TMEM163: variants seen among roughly 807,000 people sequenced by gnomAD.
The protein encoded by TMEM163 is transmembrane protein 163.
Under a neutral mutation model 29.3 loss-of-function variants are expected in TMEM163, and 17 were observed. The ratio of observed to expected loss-of-function variants is 0.58; its 90% confidence interval spans 0.40 to 0.87. The LOEUF (loss-of-function observed/expected upper bound fraction) is 0.87, where lower values mean the gene tolerates loss of function less well. TMEM163 is among the 40% of genes least tolerant of loss of function. The probability of loss-of-function intolerance (pLI) is 0.00; values close to 1 mark genes in which losing one functional copy is unlikely to be tolerated. For synonymous variants in TMEM163, 157 were observed against 160.6 expected, an observed-to-expected ratio of 0.98 and a Z score of 0.17; for missense variants, 303 against 381.5, an observed-to-expected ratio of 0.79 and a Z score of 1.71.
At chr2:134,681,332 C>T (rs929797667) in intron 2 of TMEM163, among the ~76,000 whole-genome samples, 1 of 152,172 alleles carries the variant, frequency 6.6e-6, no homozygotes, top group African/African-American at 2.4e-5. Flanking sequence ...GCTGGCTATG[C>T]ATTACCTGCC....
chr2:134,459,241 G>A (rs1406946076), intron 6 of TMEM163: 1 of 152,266 alleles, frequency 6.6e-6, no homozygotes, highest in East Asian at 1.9e-4. Context: ...TCCAAGGCAG[G>A]GATGCAATGG....
intron 2 of TMEM163, among the ~76,000 whole-genome samples, chr2:134,578,876 A>G (rs1364805907): frequency 6.6e-6 from 1 of 152,190 alleles, no homozygotes; most frequent in Non-Finnish European, 1.5e-5. Flanking sequence ...AGACTGCTCT[A>G]TTCACCAACA....
chr2:134,509,001 C>T (rs1679887804), intron 4 of TMEM163, among the ~76,000 whole-genome samples: 1 of 152,172 alleles, frequency 6.6e-6, no homozygotes. Flanking sequence ...TGTAATAATA[C>T]ACAAGCTGAA....
At chr2:134,682,722 G>C (rs1684273615) in intron 2 of TMEM163, among the ~76,000 whole-genome samples, 1 of 152,192 alleles carries the variant, frequency 6.6e-6, no homozygotes, top group South Asian at 2.1e-4. Context: ...CCACTTTGGA[G>C]GACAGTTTGG....
chr2:134,669,848 G>A (rs920042193), intron 2 of TMEM163, among the ~76,000 whole-genome samples: 2 of 152,156 alleles, frequency 1.3e-5, no homozygotes, highest in African/African-American at 4.8e-5. Flanking sequence ...AAGACTACGA[G>A]AAGAGAGATG....
chr2:134,489,624 G>C (rs1255534988), intron 5 of TMEM163, among the ~76,000 whole-genome samples: 4 of 151,908 alleles, frequency 2.6e-5, no homozygotes, highest in African/African-American at 9.7e-5. Flanking sequence ...TCCATCCATG[G>C]AATAACCCAC....
In TMEM163 at chr2:134,460,003, A is replaced by C. The variant is rs1686497458; in HGVS notation, c.668-1830T>G. On this transcript the variant is annotated intron_variant, in intron 6 of 7. Transcript: ENST00000281924. This position sits in a 1 kb window ranked among gnomAD's most constrained non-coding sequence, Gnocchi z 4.3. Reference sequence around the variant, plus strand: ...CTCCGTAGATGGGGCCACCAGCTGCAGAGGCCAAGATTCTAGGAGCCCATC... The same window carrying C: ...CTCCGTAGATGGGGCCACCAGCTGCCGAGGCCAAGATTCTAGGAGCCCATC... Among the ~76,000 whole-genome samples, 1 of 151,934 alleles carries C rather than the reference A, an allele frequency of 6.6e-6. No individual in the cohort carries two copies. The highest frequency in any genetic ancestry group is 6.6e-5 in the Admixed American group (1 of 15,262).
At chr2:134,606,175 G>A (rs544413861) in intron 2 of TMEM163, among the ~76,000 whole-genome samples, 33 of 152,090 alleles carry the variant, frequency 2.2e-4, no homozygotes, top group Admixed American at 9.8e-4. Context: ...AACACAGCAC[G>A]TAATGTCTTT....
intron 5 of TMEM163, among the ~76,000 whole-genome samples, chr2:134,494,180 G>A (rs1679494634): frequency 6.6e-6 from 1 of 152,124 alleles, no homozygotes; most frequent in Non-Finnish European, 1.5e-5. Context: ...TTAGAAGTTG[G>A]TAGGTTCTTG....
At chr2:134,716,776 A>T (rs1685046041) in intron 1 of TMEM163, among the ~76,000 whole-genome samples, 1 of 152,122 alleles carries the variant, frequency 6.6e-6, no homozygotes, top group Non-Finnish European at 1.5e-5. Flanking sequence ...CTTACAGTAA[A>T]CCTCCCCAGG....
chr2:134,482,232 T>TAGAA (rs1558917867), intron 5 of TMEM163, among the ~76,000 whole-genome samples: 1 of 152,174 alleles, frequency 6.6e-6, no homozygotes, highest in African/African-American at 2.4e-5. Context: ...AAACCTCATG[T>TAGAA]AGAAATAAAA....
At chr2:134,673,129 C>A (rs1447397331) in intron 2 of TMEM163, among the ~76,000 whole-genome samples, 7 of 152,164 alleles carry the variant, frequency 4.6e-5, no homozygotes, top group African/African-American at 1.7e-4. Context: ...AAAATGCACA[C>A]ATGCCTAAAG....
intron 2 of TMEM163, among the ~76,000 whole-genome samples, chr2:134,599,485 T>C (rs1015039770): frequency 6.6e-6 from 1 of 152,046 alleles, no homozygotes. Context: ...AATGAGAAGA[T>C]GGCAGTCTGC....
chr2:134,516,349 T>C (rs1680056098), intron 4 of TMEM163, among the ~76,000 whole-genome samples: 1 of 151,952 alleles, frequency 6.6e-6, no homozygotes, highest in South Asian at 2.1e-4. Flanking sequence ...TCACTCGTGG[T>C]CAGGAGTTTG....
chr2:134,553,501 C>T (rs539616364), intron 2 of TMEM163, among the ~76,000 whole-genome samples: 39 of 152,262 alleles, frequency 2.6e-4, no homozygotes, highest in African/African-American at 7.5e-4. Context: ...CATCGGCCAC[C>T]GTTTGCCATA....
intron 2 of TMEM163, among the ~76,000 whole-genome samples, chr2:134,556,038 T>C (rs78167711): frequency 0.035 from 5,291 of 152,304 alleles, 330 homozygotes; most frequent in African/African-American, 0.12. Flanking sequence ...GGGATGTCTT[T>C]CTTAGAGGGG....
intron 2 of TMEM163, among the ~76,000 whole-genome samples, chr2:134,568,155 A>G (rs535600696): frequency 1.3e-4 from 20 of 152,360 alleles, no homozygotes; most frequent in African/African-American, 3.8e-4. Flanking sequence ...CCCCAGATCT[A>G]TCATGTTCCA....
intron 2 of TMEM163, among the ~76,000 whole-genome samples, chr2:134,615,532 C>T (rs1682590914): frequency 6.6e-6 from 1 of 151,370 alleles, no homozygotes; most frequent in African/African-American, 2.4e-5. Flanking sequence ...ACAGCAGAAA[C>T]AATAACCAAC....
intron 6 of TMEM163, chr2:134,458,422 G>A (rs569871317): frequency 1.2e-4 from 63 of 511,304 alleles, no homozygotes; most frequent in Middle Eastern, 5.5e-4. Context: ...GGGAACTGAC[G>A]CCATATGTGG....
Sources: gnomAD v4.1 joint callset for allele counts (sites outside exome capture counted in the v4.1 genomes callset) on GRCh38, gnomAD v4.1.1 for gene constraint, Gnocchi (gnomAD v3.1) non-coding constraint, MANE v1.5 for transcripts, NCBI Gene and HGNC (gene_info 2026-07-23, HGNC 2026-07-21) for gene names.